BRWD1: variants seen among roughly 807,000 people sequenced by gnomAD.
The protein encoded by BRWD1 is bromodomain and WD repeat-containing protein 1.
A neutral mutation model predicts 251.2 loss-of-function variants in BRWD1; 82 were observed. The observed-to-expected ratio is 0.33, with a 90% CI of 0.27 to 0.39. The LOEUF is 0.39. Ranked by LOEUF, BRWD1 falls within the 10% of genes least tolerant of loss-of-function variation. The pLI, the probability that BRWD1 is intolerant of heterozygous loss-of-function variation, is 1.00. For synonymous variants in BRWD1, 918 were observed against 902.8 expected, an observed-to-expected ratio of 1.02 and a Z score of -0.30; for missense variants, 2,233 against 2,711.6, an observed-to-expected ratio of 0.82 and a Z score of 3.92.
intron 34 of BRWD1, 25 bp downstream of exon 34, chr21:39,212,641 A>C: frequency 1.3e-6 from 2 of 1,516,340 alleles, no homozygotes; most frequent in Non-Finnish European, 1.8e-6. Flanking sequence ...GAAACTACAA[A>C]AGTCAACCAT....
Position 39,194,145 on chromosome 21 carries a change from C to T in BRWD1, c.*2114G>A. 1 of 984,974 alleles carries T rather than the reference C, an allele frequency of 1.0e-6. No individual in the cohort carries two copies. The allele number at this position is 984,974 out of a possible 1,614,324, so 61.0% of individuals were successfully genotyped here. A position where few individuals can be genotyped will look rare whatever the true frequency, so the allele number is the denominator to read the frequency against. ...TGGTAATTGGATGGCCAGTCAATGA[C>T]CAATTAATGCAGTCCAAATAATCAG... On this transcript the variant is annotated 3_prime_UTR_variant, in exon 41 of 41. Coordinates refer to ENST00000342449, the MANE Select transcript of BRWD1 (RefSeq NM_033656.4).
At chr21:39,203,438 C>CTTTTTTTTTGTTTTT (rs2032215726) in intron 37 of BRWD1, among the ~76,000 whole-genome samples, 1 of 67,716 alleles carries the variant, frequency 1.5e-5, no homozygotes, top group Non-Finnish European at 2.9e-5. Context: ...GACCCTGGTT[C>CTTTTTTTTTGTTTTT]TTTTTTTTTT....
At chr21:39,231,127 A>C (rs1008107851) in intron 25 of BRWD1, among the ~76,000 whole-genome samples, 1 of 152,220 alleles carries the variant, frequency 6.6e-6, no homozygotes, top group African/African-American at 2.4e-5. Flanking sequence ...TATTTGTTAA[A>C]ATAACTAGCA....
In BRWD1 at chr21:39,191,399, T is replaced by C; in HGVS notation, c.*4860A>G. 1 of 985,176 alleles carries C rather than the reference T, an allele frequency of 1.0e-6. No homozygotes were observed. Among genetic ancestry groups the C allele is most frequent in the Non-Finnish European group, 1.2e-6 (1 of 829,806 alleles). 61.0% of individuals were successfully genotyped at this position (985,176 alleles called of 1,614,324 possible). A position where few individuals can be genotyped will look rare whatever the true frequency, so the allele number is the denominator to read the frequency against. ...AGAATGTATTTGGCTTGGAGTAGTG[T>C]TTTGTTTTGTTTTTTAACTCTTTTG... On this transcript the variant is annotated 3_prime_UTR_variant, in exon 41 of 41. Transcript: ENST00000342449.
In BRWD1 at chr21:39,306,771, C is replaced by A. The variant is rs887215147; in HGVS notation, c.198+6070G>T. Among the ~76,000 whole-genome samples the A allele has an allele frequency of 3.3e-5, 5 of 152,160 alleles. No individual in the cohort carries two copies. In the East Asian group the frequency reaches 7.7e-4, roughly 23 times the overall value. ...ATTGCAAGTAGTCATTTTTCTTAAA[C>A]CTTCAAGTACAAATCTTATTTATAA... On this transcript the variant is annotated intron_variant, in intron 4 of 40. Transcript: ENST00000342449.
At position 39,194,003 on chromosome 21, in the gene BRWD1, A is replaced by G; in HGVS notation, c.*2256T>C. 4.1e-6 allele frequency: 4 copies of G among 985,568 alleles called. No individual in the cohort carries two copies. The highest frequency in any genetic ancestry group is 4.8e-6 in the Non-Finnish European group (4 of 829,718). The allele number at this position is 985,568 out of a possible 1,614,324, so 61.1% of individuals were successfully genotyped here. A position where few individuals can be genotyped will look rare whatever the true frequency, so the allele number is the denominator to read the frequency against. ...ACTTGAGAAGCTACCATTGTCGGCT[A>G]TGCTTTTAAAGACATCAGGTCCATT... is the stretch of plus-strand genomic sequence containing the variant. On this transcript the variant is annotated 3_prime_UTR_variant, in exon 41 of 41. Transcript: ENST00000342449.
At position 39,233,461 on chromosome 21, in the gene BRWD1, AATAGGG is replaced by A. The variant is rs997015180; in HGVS notation, c.2767-969_2767-964del. ...GAAATCAGCACAGTGTACACAAATA[AATAGGG>A]ATGTTATTAAATGAAGAGACAAGTA... is the stretch of plus-strand genomic sequence containing the variant. On this transcript the variant is annotated intron_variant, in intron 23 of 40. Transcript: ENST00000342449. Among the ~76,000 whole-genome samples, 205 of 152,166 alleles carry A rather than the reference AATAGGG, an allele frequency of 1.3e-3. 2 individuals carry two copies. The highest frequency in any genetic ancestry group is 4.7e-3 in the African/African-American group (194 of 41,458).
intron 40 of BRWD1, 55 bp from the exon 41 acceptor site, chr21:39,197,470 A>G (rs2031883278): frequency 1.5e-6 from 2 of 1,376,564 alleles, no homozygotes; most frequent in Non-Finnish European, 9.9e-7. Context: ...AAGGAATTAT[A>G]TGTTCAATAT....
intron 7 of BRWD1, among the ~76,000 whole-genome samples, chr21:39,295,005 AAT>A (rs1256501462): frequency 6.6e-6 from 1 of 152,106 alleles, no homozygotes; most frequent in Admixed American, 6.6e-5. Context: ...GTTATTTTAT[AAT>A]CAACCCATTT....
rs1374406285 is a variant in BRWD1, at chr21:39,190,229, A to AC, written c.*6029dup. On this transcript the variant is annotated 3_prime_UTR_variant, in exon 41 of 41. Coordinates refer to ENST00000342449, the MANE Select transcript of BRWD1 (RefSeq NM_033656.4). ...CAAGGATTAATCATATTCTAATTAGACTTTTTTTTAATTTTTAAGCTACCT... is the reference window on the plus strand; with the variant it reads ...CAAGGATTAATCATATTCTAATTAGACCTTTTTTTTAATTTTTAAGCTACCT... 1.1e-5 allele frequency: 10 copies of AC among 940,926 alleles called. No homozygotes were observed. Among genetic ancestry groups the AC allele is most frequent in the African/African-American group, 4.5e-5 (2 of 44,232 alleles). The allele number at this position is 940,926 out of a possible 1,614,324, so 58.3% of individuals were successfully genotyped here. A position where few individuals can be genotyped will look rare whatever the true frequency, so the allele number is the denominator to read the frequency against.
At chr21:39,219,322 G>GA (rs2033079165) in intron 29 of BRWD1, 1 of 152,424 alleles carries the variant, frequency 6.6e-6, no homozygotes, top group Non-Finnish European at 1.5e-5. Flanking sequence ...TAAGGAGACT[G>GA]AGGCAGGAGA....
intron 8 of BRWD1, among the ~76,000 whole-genome samples, chr21:39,286,494 A>C (rs977169280): frequency 6.6e-6 from 1 of 151,924 alleles, no homozygotes; most frequent in African/African-American, 2.4e-5. Context: ...CTGGAAAATA[A>C]AAGTTTTTTA....
chr21:39,270,506 T>C (rs2035064817), intron 13 of BRWD1, 73 bp from the exon 14 acceptor site: 2 of 1,289,546 alleles, frequency 1.6e-6, no homozygotes, highest in Admixed American at 2.7e-5. Context: ...CTCTCATCAA[T>C]ACAAAAATAA....
chr21:39,304,489 G>A (rs546336630), intron 4 of BRWD1, among the ~76,000 whole-genome samples: 3 of 151,104 alleles, frequency 2.0e-5, no homozygotes, highest in East Asian at 4.0e-4. Flanking sequence ...TGGCATACAC[G>A]TATAGACTCA....
intron 8 of BRWD1, among the ~76,000 whole-genome samples, chr21:39,282,143 C>T (rs8130640): frequency 0.015 from 2,311 of 151,878 alleles, 56 homozygotes; most frequent in African/African-American, 0.053. Context: ...GGCATGGTGG[C>T]GCATGCTTGT....
In BRWD1 at chr21:39,313,592, C is replaced by CG. The variant is rs2036599098; in HGVS notation, c.-102_-101insC. The CG allele has an allele frequency of 7.3e-6, 2 of 275,060 alleles. No individual in the cohort carries two copies. Among genetic ancestry groups the CG allele is most frequent in the Non-Finnish European group, 9.9e-6 (2 of 202,358 alleles). The allele number at this position is 275,060 out of a possible 1,614,324, so 17.0% of individuals were successfully genotyped here. A position where few individuals can be genotyped will look rare whatever the true frequency, so the allele number is the denominator to read the frequency against. The stretch of plus-strand genomic sequence containing the variant: ...GGCGTCCCCTCTTCTCAGGCGCGCG[C>CG]CGCCGCCGCCGCCGCCGCCGCCATA... On this transcript the variant is annotated 5_prime_UTR_variant, in exon 1 of 41. It removes the in-frame stop codon of an upstream open reading frame in the 5' UTR. Transcript: ENST00000342449.
chr21:39,184,985 T>A (rs1295991062), downstream of BRWD1: 3 of 152,124 alleles, frequency 2.0e-5, no homozygotes, highest in Non-Finnish European at 4.4e-5. Flanking sequence ...TGAAGAAATA[T>A]TTTCTGCAAA....
intron 5 of BRWD1, 28 bp downstream of exon 5, chr21:39,298,404 A>G: frequency 6.4e-7 from 1 of 1,553,574 alleles, no homozygotes; most frequent in South Asian, 1.2e-5. Flanking sequence ...ATTAATACAA[A>G]GCAGAACACT....
In BRWD1 at chr21:39,247,849, C is replaced by A; in HGVS notation, c.2350-17G>T. On this transcript the variant is annotated splice_polypyrimidine_tract_variant and intron_variant, in intron 20 of 40. Transcript: ENST00000342449. ...TGAATCCGACTGAAACACAGAAAAACATGCGAATGAAAATCAACACCTAAA... is the reference window on the plus strand; with the variant it reads ...TGAATCCGACTGAAACACAGAAAAAAATGCGAATGAAAATCAACACCTAAA... The A allele has an allele frequency of 1.9e-6, 3 of 1,580,536 alleles. No individual in the cohort carries two copies. Among genetic ancestry groups the A allele is most frequent in the Non-Finnish European group, 2.6e-6 (3 of 1,164,814 alleles).
Sources: allele counts gnomAD v4.1 joint callset (sites outside exome capture counted in the v4.1 genomes callset), GRCh38; gene constraint gnomAD v4.1.1; transcripts MANE v1.5; gene names NCBI Gene and HGNC (gene_info 2026-07-23, HGNC 2026-07-21).